The following RFX3 variants were observed in gnomAD, a reference collection of about 807,000 sequenced individuals.
RFX3 encodes regulatory factor X3.
Under a neutral mutation model 98.6 loss-of-function variants are expected in RFX3, and 14 were observed. The ratio of observed to expected loss-of-function variants is 0.14; its 90% CI spans 0.09 to 0.22. The LOEUF is 0.22. RFX3 is among the 10% of genes least tolerant of loss of function. The probability of loss-of-function intolerance (pLI) is 1.00; values close to 1 mark genes in which losing one functional copy is unlikely to be tolerated. For synonymous variants in RFX3, 383 were observed against 328.4 expected, an observed-to-expected ratio of 1.17 and a Z score of -1.80; for missense variants, 639 against 926.9, an observed-to-expected ratio of 0.69 and a Z score of 4.03.
chr9:3,250,500 C>A (rs896587995), intron 14 of RFX3, among the ~76,000 whole-genome samples: 1 of 152,030 alleles, frequency 6.6e-6, no homozygotes, highest in Non-Finnish European at 1.5e-5. Flanking sequence ...CCTTTACTGT[C>A]CCTATGAATA....
intron 1 of RFX3, among the ~76,000 whole-genome samples, chr9:3,412,401 C>G (rs545422708): frequency 3.0e-4 from 46 of 152,116 alleles, no homozygotes; most frequent in African/African-American, 1.1e-3. Context: ...TAAGTTGACT[C>G]AAAGATAATG....
chr9:3,469,491 T>C (rs1848588999), intron 1 of RFX3, among the ~76,000 whole-genome samples: 1 of 152,170 alleles, frequency 6.6e-6, no homozygotes, highest in South Asian at 2.1e-4. Context: ...AATACTGGGT[T>C]CTAAAAAGTG....
In RFX3 at chr9:3,490,572, T is replaced by A. The variant is rs185097519; in HGVS notation, c.-9+35175A>T. 4.7e-3 allele frequency among the ~76,000 whole-genome samples: 720 copies of A among 152,216 alleles called. 1 individual carries two copies. Among genetic ancestry groups the A allele is most frequent in the African/African-American group, 0.016 (680 of 41,564 alleles). ...CTGTTTTTGATTTTACATGAGAGAA[T>A]TTTTAGTTTTCAAAGAACTATAATT... On this transcript the variant is annotated intron_variant, in intron 1 of 16. Coordinates refer to ENST00000617270, the MANE Select transcript of RFX3 (RefSeq NM_001282116.2).
rs1245938861 is a variant in RFX3, at chr9:3,395,464, C to T, written c.117+8G>A. On this transcript the variant is annotated splice_region_variant and intron_variant, in intron 2 of 16. Coordinates refer to ENST00000617270, the MANE Select transcript of RFX3 (RefSeq NM_001282116.2). ...ACAGCATCTTTTCTAAGAGCAGCAGCTCCTTACCTGTTGTTGTACTGGTAC... is the reference window on the plus strand; with the variant it reads ...ACAGCATCTTTTCTAAGAGCAGCAGTTCCTTACCTGTTGTTGTACTGGTAC... The T allele has an allele frequency of 1.2e-6, 2 of 1,613,370 alleles. No individual in the cohort carries two copies. Among genetic ancestry groups the T allele is most frequent in the Non-Finnish European group, 1.7e-6 (2 of 1,179,512 alleles).
At chr9:3,226,281 G>T (rs1817759026) in intron 16 of RFX3, among the ~76,000 whole-genome samples, 1 of 152,176 alleles carries the variant, frequency 6.6e-6, no homozygotes, top group African/African-American at 2.4e-5. Context: ...CAAGCAGTAA[G>T]ATTTTAACTT....
At chr9:3,356,350 T>C (rs1178250265) in intron 2 of RFX3, among the ~76,000 whole-genome samples, 2 of 151,780 alleles carry the variant, frequency 1.3e-5, no homozygotes, top group African/African-American at 2.4e-5. Context: ...TATACATCTT[T>C]AAAAAGGTAA....
At chr9:3,250,766 A>C (rs1197715844) in intron 14 of RFX3, among the ~76,000 whole-genome samples, 1 of 152,126 alleles carries the variant, frequency 6.6e-6, no homozygotes, top group African/African-American at 2.4e-5. Context: ...TCATTAAAAA[A>C]ATGAAGTAGA....
intron 3 of RFX3, among the ~76,000 whole-genome samples, chr9:3,336,289 G>C: frequency 6.6e-6 from 1 of 151,840 alleles, no homozygotes; most frequent in African/African-American, 2.4e-5. Flanking sequence ...TAGAATAAAA[G>C]GAACAACACA....
At chr9:3,308,696 G>C (rs1235969071) in intron 4 of RFX3, among the ~76,000 whole-genome samples, 2 of 152,070 alleles carry the variant, frequency 1.3e-5, no homozygotes, top group Non-Finnish European at 2.9e-5. Flanking sequence ...CTGAGAGAGT[G>C]GTTTACAATG....
chr9:3,234,397 G>C (rs1270288578), intron 15 of RFX3, among the ~76,000 whole-genome samples: 1 of 152,160 alleles, frequency 6.6e-6, no homozygotes, highest in Non-Finnish European at 1.5e-5. Context: ...CTAGCACTTT[G>C]GGAAGCACAG....
chr9:3,454,924 C>A (rs973834374), intron 1 of RFX3, among the ~76,000 whole-genome samples: 1 of 152,136 alleles, frequency 6.6e-6, no homozygotes, highest in Non-Finnish European at 1.5e-5. Flanking sequence ...GACTCATACC[C>A]AAGTCTCCCG....
At position 3,392,443 on chromosome 9, in the gene RFX3, TA is replaced by T. The variant is rs34745040; in HGVS notation, c.117+3028del. ...GAATTTTTTAAAAATTCCTGAAAAT[TA>T]AAAAAAAAGTGATAGAAATTAAAAA... On this transcript the variant is annotated intron_variant, in intron 2 of 16. Transcript: ENST00000617270. Among the ~76,000 whole-genome samples, 11 of 135,880 alleles carry T rather than the reference TA, an allele frequency of 8.1e-5. No individual in the cohort carries two copies. In the South Asian group the frequency reaches 1.1e-3, roughly 14 times the overall value. 89.1% of individuals were successfully genotyped at this position (135,880 alleles called of 152,430 possible). A position where few individuals can be genotyped will look rare whatever the true frequency, so the allele number is the denominator to read the frequency against.
intron 6 of RFX3, among the ~76,000 whole-genome samples, chr9:3,292,109 G>GAAAAAAAA (rs1827464558): frequency 3.0e-5 from 3 of 100,228 alleles, no homozygotes; most frequent in Non-Finnish European, 6.9e-5. Flanking sequence ...AACTCTTTAC[G>GAAAAAAAA]AAAATACTCT....
At chr9:3,405,809 C>G (rs1841908761) in intron 1 of RFX3, among the ~76,000 whole-genome samples, 1 of 152,132 alleles carries the variant, frequency 6.6e-6, no homozygotes, top group South Asian at 2.1e-4. Flanking sequence ...TCAGTGCCCT[C>G]AGGATAAACT....
intron 2 of RFX3, among the ~76,000 whole-genome samples, chr9:3,354,560 A>G (rs568694674): frequency 6.6e-6 from 1 of 151,916 alleles, no homozygotes; most frequent in Non-Finnish European, 1.5e-5. Context: ...AAGACAAAAA[A>G]AACAGCTTTA....
chr9:3,415,529 G>A (rs1490308534), intron 1 of RFX3, among the ~76,000 whole-genome samples: 1 of 152,094 alleles, frequency 6.6e-6, no homozygotes, highest in Non-Finnish European at 1.5e-5. Context: ...GCAGGTTGCT[G>A]CTGTTAGATG....
intron 7 of RFX3, 55 bp downstream of exon 7, chr9:3,288,076 C>G (rs866999403): frequency 8.3e-6 from 13 of 1,559,970 alleles, no homozygotes; most frequent in Middle Eastern, 1.7e-4. Context: ...AAAGGAGACC[C>G]GAACAACTAA....
At chr9:3,521,099 T>A (rs751260387) in intron 1 of RFX3, among the ~76,000 whole-genome samples, 1 of 152,216 alleles carries the variant, frequency 6.6e-6, no homozygotes, top group Non-Finnish European at 1.5e-5. Context: ...CACTATGCCA[T>A]GTAAAAGTGT....
Position 3,219,196 on chromosome 9 carries a change from T to G in RFX3, c.*5846A>C, listed in dbSNP as rs1428876059. 6.6e-6 allele frequency: 1 copy of G among 152,156 alleles called. No homozygotes were observed. Among genetic ancestry groups the G allele is most frequent in the Non-Finnish European group, 1.5e-5 (1 of 68,034 alleles). 9.4% of individuals were successfully genotyped at this position (152,156 alleles called of 1,614,324 possible). A position where few individuals can be genotyped will look rare whatever the true frequency, so the allele number is the denominator to read the frequency against. The stretch of plus-strand genomic sequence containing the variant: ...TTTTAAACGAATAAAGTTCAATAGA[T>G]TCTTTATTGGGTCATTTAAAATTGT... On this transcript the variant is annotated 3_prime_UTR_variant, in exon 17 of 17. Transcript: ENST00000617270.
Sources: allele counts gnomAD v4.1 joint callset (sites outside exome capture counted in the v4.1 genomes callset), GRCh38; gene constraint gnomAD v4.1.1; transcripts MANE v1.5; gene names NCBI Gene and HGNC (gene_info 2026-07-23, HGNC 2026-07-21).